Variants in NKAIN2 observed in about 807,000 individuals in gnomAD.
NKAIN2 encodes sodium/potassium-transporting ATPase subunit beta-1-interacting protein 2.
A neutral mutation model predicts 32.6 loss-of-function variants in NKAIN2; 14 were observed. The ratio of observed to expected loss-of-function variants is 0.43; its 90% CI spans 0.28 to 0.67. NKAIN2 has a LOEUF of 0.67. Ranked by LOEUF, NKAIN2 falls within the 30% of genes least tolerant of loss-of-function variation. The pLI, the probability that NKAIN2 is intolerant of heterozygous loss-of-function variation, is 0.17. For missense variants in NKAIN2, 198 were observed against 258.3 expected, an observed-to-expected ratio of 0.77 and a Z score of 1.60; for synonymous variants, 80 against 87.2, an observed-to-expected ratio of 0.92 and a Z score of 0.46.
intron 3 of NKAIN2, among the ~76,000 whole-genome samples, chr6:124,563,373 C>A (rs1562258612): frequency 6.6e-6 from 1 of 152,166 alleles, no homozygotes; most frequent in Non-Finnish European, 1.5e-5. Context: ...CAAATACTTT[C>A]AAATATTTTA....
chr6:123,909,891 G>A (rs1314297666), intron 1 of NKAIN2, among the ~76,000 whole-genome samples: 1 of 152,080 alleles, frequency 6.6e-6, no homozygotes, highest in East Asian at 1.9e-4. Context: ...GTGTGCAATA[G>A]TTACTTGCTT....
At chr6:124,759,485 CT>C (rs1314645447) in intron 4 of NKAIN2, among the ~76,000 whole-genome samples, 1 of 151,854 alleles carries the variant, frequency 6.6e-6, no homozygotes, top group African/African-American at 2.4e-5. Context: ...GCTCATCCTT[CT>C]CTCAGAAACC....
At chr6:124,520,733 T>C (rs772086956) in intron 3 of NKAIN2, among the ~76,000 whole-genome samples, 1 of 152,180 alleles carries the variant, frequency 6.6e-6, no homozygotes, top group Admixed American at 6.5e-5. Context: ...TTTACATAAA[T>C]GGAAATCCCT....
intron 3 of NKAIN2, among the ~76,000 whole-genome samples, chr6:124,598,175 C>A (rs2114974716): frequency 6.6e-6 from 1 of 152,134 alleles, no homozygotes; most frequent in East Asian, 1.9e-4. Context: ...TATTACATTT[C>A]TAGGAAAAAC....
chr6:124,798,257 G>A (rs748134656), intron 5 of NKAIN2, among the ~76,000 whole-genome samples: 8 of 152,094 alleles, frequency 5.3e-5, no homozygotes, highest in Non-Finnish European at 1.0e-4. Context: ...AAGTTCTTGG[G>A]TGCCAGGTTG....
At chr6:124,174,545 A>G (rs1789061437) in intron 1 of NKAIN2, among the ~76,000 whole-genome samples, 1 of 152,194 alleles carries the variant, frequency 6.6e-6, no homozygotes, top group Admixed American at 6.5e-5. Context: ...TCTGTTCTAC[A>G]GAGTTGTTCT....
chr6:124,776,049 C>T (rs1386071178), intron 4 of NKAIN2, among the ~76,000 whole-genome samples: 1 of 152,168 alleles, frequency 6.6e-6, no homozygotes, highest in Non-Finnish European at 1.5e-5. Flanking sequence ...GCTGGCAGCT[C>T]TGGCAGAAAT....
intron 1 of NKAIN2, among the ~76,000 whole-genome samples, chr6:124,075,453 T>C (rs764741994): frequency 3.3e-5 from 5 of 152,188 alleles, no homozygotes; most frequent in Admixed American, 6.6e-5. Flanking sequence ...GTTACTGAAG[T>C]AGGCATTATT....
intron 1 of NKAIN2, among the ~76,000 whole-genome samples, chr6:124,237,862 A>C (rs1332052171): frequency 2.0e-5 from 3 of 152,152 alleles, no homozygotes; most frequent in Non-Finnish European, 4.4e-5. Context: ...TAGGGAGCAC[A>C]GAAGAGCAGT....
chr6:124,227,272 G>C (rs1009721600), intron 1 of NKAIN2, among the ~76,000 whole-genome samples: 3 of 152,034 alleles, frequency 2.0e-5, no homozygotes, highest in Non-Finnish European at 4.4e-5. Flanking sequence ...ATTATGGACT[G>C]ACTTTCCCTT....
chr6:123,948,800 C>T (rs1777196437), intron 1 of NKAIN2, among the ~76,000 whole-genome samples: 1 of 151,546 alleles, frequency 6.6e-6, no homozygotes, highest in African/African-American at 2.4e-5. Flanking sequence ...CTTCTGTTGC[C>T]TGTGCTTTTC....
intron 4 of NKAIN2, among the ~76,000 whole-genome samples, chr6:124,699,123 C>A (rs1774640216): frequency 6.6e-6 from 1 of 152,168 alleles, no homozygotes; most frequent in African/African-American, 2.4e-5. Flanking sequence ...GTAATTACCT[C>A]TCAGAGTTCT....
At chr6:124,060,060 T>C (rs1388551831) in intron 1 of NKAIN2, among the ~76,000 whole-genome samples, 1 of 152,178 alleles carries the variant, frequency 6.6e-6, no homozygotes, top group Non-Finnish European at 1.5e-5. Context: ...TTTTAAACTG[T>C]ATTTCTTTGT....
rs1017362061 is a variant in NKAIN2 at position 123,803,909 on chromosome 6, C to T, written c.-292C>T. The stretch of plus-strand genomic sequence containing the variant: ...GGCGCTGCCAGGCTGCCGCTGCTGC[C>T]CCTGCGGGCCCCGAGCGCGCCTCCG... On this transcript the variant is annotated 5_prime_UTR_variant, in exon 1 of 7. Coordinates refer to ENST00000368417, the MANE Select transcript of NKAIN2 (RefSeq NM_001040214.3). Among the ~76,000 whole-genome samples, 3 of 148,432 alleles carry T rather than the reference C, an allele frequency of 2.0e-5. No homozygotes were observed. Among genetic ancestry groups the T allele is most frequent in the East Asian group, 3.9e-4 (2 of 5,066 alleles).
At chr6:123,940,758 A>G (rs1393063087) in intron 1 of NKAIN2, among the ~76,000 whole-genome samples, 1 of 152,040 alleles carries the variant, frequency 6.6e-6, no homozygotes, top group African/African-American at 2.4e-5. Context: ...TGAGTGAGTC[A>G]CGGTGAGTGA....
At chr6:124,327,371 G>A (rs1045066312) in intron 2 of NKAIN2, among the ~76,000 whole-genome samples, 1 of 144,828 alleles carries the variant, frequency 6.9e-6, no homozygotes, top group Non-Finnish European at 1.5e-5. Flanking sequence ...ATCTTTCATT[G>A]TTGAACTCTT....
intron 2 of NKAIN2, among the ~76,000 whole-genome samples, chr6:124,287,966 CCT>C (rs1466340400): frequency 6.6e-6 from 1 of 151,964 alleles, no homozygotes; most frequent in Non-Finnish European, 1.5e-5. Flanking sequence ...CCCCCCTCTC[CCT>C]TTCTTCCTTC....
At chr6:124,557,780 A>G (rs987644694) in intron 3 of NKAIN2, among the ~76,000 whole-genome samples, 2 of 152,208 alleles carry the variant, frequency 1.3e-5, no homozygotes, top group East Asian at 1.9e-4. Context: ...TTTCCTGTAC[A>G]ATTGGCTTAA....
chr6:123,932,048 G>C (rs553012229), intron 1 of NKAIN2, among the ~76,000 whole-genome samples: 4 of 152,074 alleles, frequency 2.6e-5, no homozygotes, highest in African/African-American at 9.7e-5. Flanking sequence ...TATTCTACTC[G>C]TTTCTTAAAT....
Sources: gnomAD v4.1 joint callset for allele counts (sites outside exome capture counted in the v4.1 genomes callset) on GRCh38, gnomAD v4.1.1 for gene constraint, MANE v1.5 for transcripts, NCBI Gene and HGNC (gene_info 2026-07-23, HGNC 2026-07-21) for gene names.